GALNT2: variants seen among roughly 807,000 people sequenced by gnomAD.
GALNT2 encodes the protein UDP-GalNAc:polypeptide N-acetylgalactosaminyltransferase 2.
In GALNT2, 31 loss-of-function variants were observed where a neutral mutation model predicts 81.4. That is an observed-to-expected ratio of 0.38 (90% CI 0.29 to 0.51). GALNT2 has a LOEUF of 0.51. Ranked by LOEUF, GALNT2 falls within the 20% of genes least tolerant of loss-of-function variation. GALNT2 has a pLI of 0.87. For synonymous variants in GALNT2, 303 were observed against 287.4 expected (o/e 1.05, Z -0.55); for missense variants, 629 against 765.7 (o/e 0.82, Z 2.11).
Position 230,163,158 on chromosome 1 carries a change from G to A in GALNT2, c.127-15060G>A, listed in dbSNP as rs563845520. On this transcript the variant is annotated intron_variant, in intron 1 of 15. Transcript: ENST00000366672. ...AGCTAAACATGTTCTTTGAAACTCCGCATTAAAACAACAACAACAACAACA... is the reference window on the plus strand; with the variant it reads ...AGCTAAACATGTTCTTTGAAACTCCACATTAAAACAACAACAACAACAACA... Among the ~76,000 whole-genome samples the A allele has an allele frequency of 1.2e-3, 131 of 108,714 alleles. No homozygotes were observed. In the Middle Eastern group the frequency reaches 0.014, roughly 12 times the overall value. The allele number at this position is 108,714 out of a possible 152,430, so 71.3% of individuals were successfully genotyped here. A position where few individuals can be genotyped will look rare whatever the true frequency, so the allele number is the denominator to read the frequency against.
intron 3 of GALNT2, among the ~76,000 whole-genome samples, chr1:230,230,412 T>C (rs888935477): frequency 1.3e-5 from 2 of 152,208 alleles, no homozygotes; most frequent in African/African-American, 4.8e-5. Context: ...CCTGGAGTTT[T>C]TCCACGGGAA....
chr1:230,167,624 TG>T (rs1662651669), intron 1 of GALNT2, among the ~76,000 whole-genome samples: 1 of 152,114 alleles, frequency 6.6e-6, no homozygotes, highest in South Asian at 2.1e-4. Context: ...TGAGGTGAAG[TG>T]GGGAGGAAAG....
intron 13 of GALNT2, chr1:230,264,711 C>T (rs1457454089): frequency 1.3e-5 from 2 of 153,378 alleles, no homozygotes; most frequent in Non-Finnish European, 2.9e-5. Flanking sequence ...GAAAGTGAGT[C>T]TTGCCTGAAA....
intron 1 of GALNT2, among the ~76,000 whole-genome samples, chr1:230,167,920 T>C (rs979429562): frequency 1.3e-5 from 2 of 152,060 alleles, no homozygotes; most frequent in African/African-American, 4.8e-5. Context: ...AAAATGCAAT[T>C]GATTTTTACA....
At chr1:230,167,348 C>T (rs1662642136) in intron 1 of GALNT2, among the ~76,000 whole-genome samples, 1 of 152,088 alleles carries the variant, frequency 6.6e-6, no homozygotes, top group Non-Finnish European at 1.5e-5. Flanking sequence ...GGTCTCACCA[C>T]GTTGCCCAGG....
chr1:230,142,226 T>A (rs1052395530), intron 1 of GALNT2, among the ~76,000 whole-genome samples: 20 of 152,098 alleles, frequency 1.3e-4, no homozygotes, highest in African/African-American at 4.6e-4. Flanking sequence ...ATGGCATCCG[T>A]CCACCAGGCC....
rs1023588572 is a variant in GALNT2, at chr1:230,068,753, AG to A, written c.126+1350del. The stretch of plus-strand genomic sequence containing the variant: ...ATTACGTGGATTTGTTTTATCTAGA[AG>A]GGCAGAAATAAAGCCCTCTTTCCAC... On this transcript the variant is annotated intron_variant, in intron 1 of 15. Transcript: ENST00000366672. 2.6e-5 allele frequency among the ~76,000 whole-genome samples: 4 copies of A among 152,226 alleles called. No individual in the cohort carries two copies. The South Asian group carries it at 6.2e-4, about 24-fold the overall frequency.
chr1:230,074,673 C>T (rs1659479910), intron 1 of GALNT2, among the ~76,000 whole-genome samples: 1 of 152,168 alleles, frequency 6.6e-6, no homozygotes, highest in South Asian at 2.1e-4. Context: ...CTGGGGTGAA[C>T]CACTGTGGGG....
In GALNT2 at chr1:230,262,652, G is replaced by T. The variant is rs749472707; in HGVS notation, c.1216G>T (p.Val406Phe). The T allele has an allele frequency of 6.2e-7, 1 of 1,611,986 alleles. No homozygotes were observed. The highest frequency in any genetic ancestry group is 1.1e-5 in the South Asian group (1 of 90,994). ...YYAAVPSARNVPYGNIQSRLE... is the reference protein window; with the variant it reads ...YYAAVPSARNFPYGNIQSRLE... ...TGCAGCAGTGCCTTCTGCTAGAAAC[G>T]TTCCTTATGGAAAGTAAGTGGCAGT... Residue 406 changes from valine to phenylalanine, a missense_variant, in exon 12 of 16, where the codon GTT becomes TTT. Around this residue, in one of 3 missense-constraint regions of GALNT2, gnomAD observed 207 missense variants for 225.5 expected, o/e 0.92. Transcript: ENST00000366672.
intron 1 of GALNT2, among the ~76,000 whole-genome samples, chr1:230,158,477 T>C (rs1377115377): frequency 6.6e-5 from 10 of 152,254 alleles, no homozygotes. Flanking sequence ...CCTGAGGCAC[T>C]TTGCCAAACT....
intron 3 of GALNT2, among the ~76,000 whole-genome samples, chr1:230,235,058 T>TA (rs956389749): frequency 3.4e-4 from 50 of 149,134 alleles, no homozygotes; most frequent in South Asian, 1.1e-3. Context: ...CTACAAAAAA[T>TA]AAAAAAAAAT....
At chr1:230,094,435 G>C (rs973093195) in intron 1 of GALNT2, among the ~76,000 whole-genome samples, 101 of 152,066 alleles carry the variant, frequency 6.6e-4, no homozygotes, top group African/African-American at 2.4e-3. Flanking sequence ...AGGAGTTTGA[G>C]ACCAGCCTGG....
intron 1 of GALNT2, among the ~76,000 whole-genome samples, chr1:230,138,798 G>A (rs1285994062): frequency 2.0e-5 from 3 of 152,196 alleles, no homozygotes; most frequent in African/African-American, 7.2e-5. Flanking sequence ...TTTAGCTATT[G>A]TGTTATAATT....
intron 10 of GALNT2, among the ~76,000 whole-genome samples, chr1:230,254,856 G>A (rs1228178212): frequency 1.3e-5 from 2 of 152,212 alleles, no homozygotes; most frequent in African/African-American, 2.4e-5. Context: ...TCACTCAGTA[G>A]TTACGATGAT....
intron 1 of GALNT2, among the ~76,000 whole-genome samples, chr1:230,069,911 G>A (rs1162306051): frequency 6.6e-6 from 1 of 152,164 alleles, no homozygotes; most frequent in African/African-American, 2.4e-5. Context: ...TTTTCATAGG[G>A]TACTAGGCTG....
At chr1:230,147,440 C>T (rs935404247) in intron 1 of GALNT2, among the ~76,000 whole-genome samples, 10 of 152,246 alleles carry the variant, frequency 6.6e-5, no homozygotes, top group Non-Finnish European at 1.5e-4. Flanking sequence ...GGCCAACATT[C>T]CTAGAGCCCC....
chr1:230,086,312 G>C (rs184291189), intron 1 of GALNT2, among the ~76,000 whole-genome samples: 15 of 152,314 alleles, frequency 9.8e-5, no homozygotes, highest in African/African-American at 3.4e-4. Flanking sequence ...TGGGCTGAGA[G>C]GTGGTTAGTT....
At chr1:230,211,620 AC>A (rs947219429) in intron 3 of GALNT2, among the ~76,000 whole-genome samples, 9 of 152,034 alleles carry the variant, frequency 5.9e-5, no homozygotes, top group South Asian at 2.1e-4. Flanking sequence ...ATCTTAAAAA[AC>A]AATTACTCTA....
chr1:230,116,737 C>T lies in GALNT2; in HGVS notation c.126+49331C>T, dbSNP rs113115586. Among the ~76,000 whole-genome samples, 350 of 152,256 alleles carry T rather than the reference C, an allele frequency of 2.3e-3. 1 individual carries two copies. The highest frequency in any genetic ancestry group is 7.9e-3 in the African/African-American group (329 of 41,534). ...ATTTTTTTTCCGAGCAGTCTCAACA[C>T]GGACTTAAAATCTTCAGTAAACCGT... On this transcript the variant is annotated intron_variant, in intron 1 of 15. Coordinates refer to ENST00000366672, the MANE Select transcript of GALNT2 (RefSeq NM_004481.5).
Sources: allele counts gnomAD v4.1 joint callset (sites outside exome capture counted in the v4.1 genomes callset), GRCh38; gene constraint gnomAD v4.1.1; regional missense constraint gnomAD v4.1.1; transcripts MANE v1.5; gene names NCBI Gene and HGNC (gene_info 2026-07-23, HGNC 2026-07-21).